DHRS7: variants seen among roughly 807,000 people sequenced by gnomAD.
DHRS7 encodes dehydrogenase/reductase 7, also known as dehydrogenase/reductase SDR family member 7.
In DHRS7, 34 loss-of-function variants were observed where a neutral mutation model predicts 38.9. The observed-to-expected ratio is 0.87, with a 90% CI of 0.66 to 1.16. The LOEUF is 1.16. Among genes scored for constraint, DHRS7 ranks in the 50% most tolerant of loss-of-function variants. The probability of loss-of-function intolerance (pLI) is 0.00; values close to 1 mark genes in which losing one functional copy is unlikely to be tolerated. For missense variants in DHRS7, 421 were observed against 407.0 expected (o/e 1.03, Z -0.30); for synonymous variants, 158 against 153.1 (o/e 1.03, Z -0.24).
intron 1 of DHRS7, among the ~76,000 whole-genome samples, chr14:60,164,263 GC>G (rs143150224): frequency 8.8e-6 from 1 of 112,996 alleles, no homozygotes; most frequent in Non-Finnish European, 1.7e-5. Flanking sequence ...AACCCATAAC[GC>G]CCCCCCCAAA....
At chr14:60,169,157 A>AAAAAAAAAAAAAAAAAC (rs1566539386), upstream of DHRS7, 32 of 150,218 alleles carry the variant, frequency 2.1e-4, 1 homozygote, top group East Asian at 3.1e-3. Context: ...AAAAAAAAAA[A>AAAAAAAAAAAAAAAAAC]AAAACCATTG....
At chr14:60,168,822 A>G, upstream of DHRS7, 1 of 1,485,788 alleles carries the variant, frequency 6.7e-7, no homozygotes, top group Non-Finnish European at 9.0e-7. Context: ...GACACTCCTC[A>G]TAATTTCACT....
chr14:60,149,502 T>C lies in DHRS7; in HGVS notation c.823A>G (p.Ile275Val). The C allele has an allele frequency of 6.2e-7, 1 of 1,614,176 alleles. No homozygotes were observed. Among genetic ancestry groups the C allele is most frequent in the Non-Finnish European group, 8.5e-7 (1 of 1,180,020 alleles). ...TCTTTCAAATCATTGGCCATGCTGATTAACATCAGCCGCACACAACGACTG... is the reference window on the plus strand; with the variant it reads ...TCTTTCAAATCATTGGCCATGCTGACTAACATCAGCCGCACACAACGACTG... Reference protein sequence around the residue: ...TTSRCVRLMLISMANDLKEVW... With the variant: ...TTSRCVRLMLVSMANDLKEVW... The change falls in exon 6 of 7, where the codon ATC becomes GTC. Residue 275 changes from isoleucine to valine, a missense_variant. Ile to Val is a conservative substitution (Grantham distance 29). Transcript: ENST00000557185.
intron 2 of DHRS7, 150 bp from the exon 3 acceptor site, chr14:60,154,215 G>A: frequency 1.7e-6 from 1 of 581,200 alleles, no homozygotes; most frequent in Non-Finnish European, 3.0e-6. Context: ...GTCAGGAAGA[G>A]GACTAGTGGT....
rs1010745358 is a variant in DHRS7, at chr14:60,148,436, T to C, written c.972+917A>G. On this transcript the variant is annotated intron_variant, in intron 6 of 6. Coordinates refer to ENST00000557185, the MANE Select transcript of DHRS7 (RefSeq NM_016029.4). This position sits in a 1 kb window ranked among gnomAD's most constrained non-coding sequence, Gnocchi z 4.8. ...TTCATTACATTTCCTGTACTGTCTA[T>C]AAATTAAATTCTTTTGAGGGTCACA... Among the ~76,000 whole-genome samples, 2 of 152,224 alleles carry C rather than the reference T, an allele frequency of 1.3e-5. No individual in the cohort carries two copies. Among genetic ancestry groups the C allele is most frequent in the Non-Finnish European group, 2.9e-5 (2 of 68,038 alleles).
At position 60,148,071 on chromosome 14, in the gene DHRS7, G is replaced by A. The variant is rs938304303; in HGVS notation, c.972+1282C>T. 1 of 152,134 alleles carries A rather than the reference G, an allele frequency of 6.6e-6. No individual in the cohort carries two copies. Among genetic ancestry groups the A allele is most frequent in the African/African-American group, 2.4e-5 (1 of 41,424 alleles). The allele number at this position is 152,134 out of a possible 1,614,324, so 9.4% of individuals were successfully genotyped here. On this transcript the variant is annotated intron_variant, in intron 6 of 6. Transcript: ENST00000557185. The surrounding 1 kb of genome is among the most constrained non-coding windows in gnomAD (Gnocchi z 4.8). Reference sequence around the variant, plus strand: ...GGTAGAAAACGAAAAGCTCCTTTTTGATTTTTCACACTCTGGACATTTTAG... The same window carrying A: ...GGTAGAAAACGAAAAGCTCCTTTTTAATTTTTCACACTCTGGACATTTTAG...
In DHRS7 at chr14:60,149,482, C is replaced by G; in HGVS notation, c.843G>C (p.Leu281Phe). The change falls in exon 6 of 7, where the codon TTG (leucine) becomes TTC (phenylalanine). Residue 281 changes from leucine to phenylalanine, a missense_variant. Transcript: ENST00000557185. ...RLMLISMAND[L>F]KEVWISEQPF... ...GTTGTTCTGAGATCCAAACTTCTTT[C>G]AAATCATTGGCCATGCTGATTAACA... 6.2e-7 allele frequency: 1 copy of G among 1,614,132 alleles called. No homozygotes were observed. The highest frequency in any genetic ancestry group is 1.7e-5 in the Admixed American group (1 of 60,010).
rs1405168384 is a variant in DHRS7, at chr14:60,146,865, A to G, written c.973-1852T>C. 1 of 152,238 alleles carries G rather than the reference A, an allele frequency of 6.6e-6. No homozygotes were observed. The highest frequency in any genetic ancestry group is 2.4e-5 in the African/African-American group (1 of 41,456). The allele number at this position is 152,238 out of a possible 1,614,324, so 9.4% of individuals were successfully genotyped here. On this transcript the variant is annotated intron_variant, in intron 6 of 6. Coordinates refer to ENST00000557185, the MANE Select transcript of DHRS7 (RefSeq NM_016029.4). The surrounding 1 kb of genome is among the most constrained non-coding windows in gnomAD (Gnocchi z 4.9). ...TCACTTCTGTGGAATCTAAAAAGTC[A>G]TACTCAAAAGCAGAGTAGAATGATG...
chr14:60,154,465 A>G (rs1896616651), intron 2 of DHRS7, among the ~76,000 whole-genome samples: 1 of 152,118 alleles, frequency 6.6e-6, no homozygotes, highest in African/African-American at 2.4e-5. Context: ...ATCAGTAAGA[A>G]GCTCAGAGTC....
At chr14:60,165,730 G>C, upstream of DHRS7, 1 of 848,626 alleles carries the variant, frequency 1.2e-6, no homozygotes, top group African/African-American at 2.1e-5. This position sits in a 1 kb window ranked among gnomAD's most constrained non-coding sequence, Gnocchi z 4.6. Flanking sequence ...GAGACAGATA[G>C]AATCATTCTT....
Position 60,165,197 on chromosome 14 carries a change from T to C in DHRS7, c.113A>G (p.Glu38Gly). 6.2e-7 allele frequency: 1 copy of C among 1,612,886 alleles called. No individual in the cohort carries two copies. The highest frequency in any genetic ancestry group is 8.5e-7 in the Non-Finnish European group (1 of 1,179,808). ...CTCACCTGGGCGTCGTCCCTGCCAC[T>C]CGGCCCATAGTAGCGTCAGGTCGCC... ...ADGDLTLLWA[E>G]WQGRRPEWEL... The change falls in exon 1 of 7, where the codon GAG becomes GGG. Residue 38 changes from glutamate (E) to glycine (G), a missense_variant. By Grantham distance (98) the Glu-to-Gly change is moderately conservative. Coordinates refer to ENST00000557185, the MANE Select transcript of DHRS7 (RefSeq NM_016029.4). The surrounding 1 kb of genome is among the most constrained non-coding windows in gnomAD (Gnocchi z 4.6).
chr14:60,169,268 C>T (rs1271928498), upstream of DHRS7: 1 of 151,316 alleles, frequency 6.6e-6, no homozygotes, highest in South Asian at 2.1e-4. Context: ...ATACTGTTCT[C>T]TCCACATAGA....
upstream of DHRS7, among the ~76,000 whole-genome samples, chr14:60,166,515 T>C (rs1164507025): frequency 6.6e-6 from 1 of 152,234 alleles, no homozygotes; most frequent in Non-Finnish European, 1.5e-5. Flanking sequence ...TGTTTTCTTT[T>C]TCTAGTCTTG....
At position 60,161,767 on chromosome 14, in the gene DHRS7, A is replaced by G. The variant is rs1566536226; in HGVS notation, c.133+3410T>C. ...TGTCCCCCAGAAGGTAGGGTCTATG[A>G]GGGCCTGGACTGTGGCTGATTCAGT... On this transcript the variant is annotated intron_variant, in intron 1 of 6. Transcript: ENST00000557185. The surrounding 1 kb of genome is among the most constrained non-coding windows in gnomAD (Gnocchi z 4.2). Among the ~76,000 whole-genome samples the G allele has an allele frequency of 6.6e-6, 1 of 152,176 alleles. No homozygotes were observed. Among genetic ancestry groups the G allele is most frequent in the African/African-American group, 2.4e-5 (1 of 41,442 alleles).
chr14:60,163,482 TTAGA>T (rs1365681644), intron 1 of DHRS7, among the ~76,000 whole-genome samples: 1 of 152,188 alleles, frequency 6.6e-6, no homozygotes, highest in African/African-American at 2.4e-5. Context: ...TGTAACTTAC[TTAGA>T]TAAATAGCAA....
At chr14:60,155,011 G>A (rs1318203348) in intron 2 of DHRS7, among the ~76,000 whole-genome samples, 5 of 152,158 alleles carry the variant, frequency 3.3e-5, no homozygotes. Context: ...AGCTCGATCA[G>A]CAAAGTTAAA....
chr14:60,165,710 C>T (rs964104597), upstream of DHRS7: 1 of 983,142 alleles, frequency 1.0e-6, no homozygotes, highest in Non-Finnish European at 1.2e-6. This position sits in a 1 kb window ranked among gnomAD's most constrained non-coding sequence, Gnocchi z 4.6. Flanking sequence ...GGGACACTAT[C>T]AACGGCCAGG....
chr14:60,150,169 G>T lies in DHRS7; in HGVS notation c.652C>A (p.Arg218=). 2.1e-6 allele frequency: 3 copies of T among 1,453,182 alleles called. No homozygotes were observed. The highest frequency in any genetic ancestry group is 3.2e-5 in the South Asian group (2 of 62,578). 90.0% of individuals were successfully genotyped at this position (1,453,182 alleles called of 1,614,324 possible). ...CCTGGGTATGTGGCAAGTTCTGTTC[G>T]AAGGCCATTAAAAAAACCCTAACAG... is the stretch of plus-strand genomic sequence containing the variant. The part of the protein sequence containing the change: ...HALRGFFNGL[R]TELATYPGII... The change falls in exon 5 of 7, where the codon CGA becomes AGA. Residue 218 remains arginine, a synonymous_variant. Transcript: ENST00000557185.
upstream of DHRS7, chr14:60,168,709 G>A: frequency 6.4e-7 from 1 of 1,565,494 alleles, no homozygotes; most frequent in Non-Finnish European, 8.7e-7. Flanking sequence ...CAGCCTTGGA[G>A]ATAAGCAGAG....
Sources: allele counts gnomAD v4.1 joint callset (sites outside exome capture counted in the v4.1 genomes callset), GRCh38; gene constraint gnomAD v4.1.1; non-coding constraint Gnocchi (gnomAD v3.1); transcripts MANE v1.5; gene names NCBI Gene and HGNC (gene_info 2026-07-23, HGNC 2026-07-21).